FAM193A: variants seen among roughly 807,000 people sequenced by gnomAD.
FAM193A encodes the protein protein FAM193A.
FAM193A carries 22 observed loss-of-function variants against 126.5 expected under a neutral mutation model. The observed-to-expected ratio is 0.17, with a 90% confidence interval of 0.12 to 0.25. FAM193A has a LOEUF of 0.25. Ranked by LOEUF, FAM193A falls within the 10% of genes least tolerant of loss-of-function variation. FAM193A has a pLI of 1.00. For missense variants in FAM193A, 1,675 were observed against 1,672.8 expected (o/e 1.00, Z -0.02); for synonymous variants, 761 against 646.8 (o/e 1.18, Z -2.68).
At chr4:2,541,216 C>T (rs922616027) in intron 1 of FAM193A, among the ~76,000 whole-genome samples, 1 of 151,316 alleles carries the variant, frequency 6.6e-6, no homozygotes, top group Non-Finnish European at 1.5e-5. Flanking sequence ...ATTGTCATGC[C>T]AGCTACTCTG....
chr4:2,575,429 G>A (rs983940421), intron 1 of FAM193A, among the ~76,000 whole-genome samples: 2 of 150,872 alleles, frequency 1.3e-5, no homozygotes, highest in African/African-American at 2.4e-5. Context: ...AATAATTTGA[G>A]TTTTTAAATG....
intron 1 of FAM193A, among the ~76,000 whole-genome samples, chr4:2,541,593 G>A (rs993149346): frequency 6.6e-6 from 1 of 151,302 alleles, no homozygotes; most frequent in Non-Finnish European, 1.5e-5. Context: ...CTACAGGCGC[G>A]TGCCACCACG....
chr4:2,543,109 A>T (rs61790208), intron 1 of FAM193A, among the ~76,000 whole-genome samples: 3 of 150,962 alleles, frequency 2.0e-5, no homozygotes, highest in Non-Finnish European at 4.4e-5. Context: ...TTTTTTTTAA[A>T]TGGAGTCTCG....
chr4:2,647,122 C>T (rs757449476), intron 7 of FAM193A, among the ~76,000 whole-genome samples: 1 of 152,158 alleles, frequency 6.6e-6, no homozygotes, highest in African/African-American at 2.4e-5. Context: ...CGGGCTGTCA[C>T]CAGGCTCTGC....
intron 7 of FAM193A, chr4:2,655,079 A>G (rs1021345505): frequency 2.9e-6 from 2 of 700,580 alleles, no homozygotes; most frequent in African/African-American, 3.5e-5. Context: ...CAGTGTGAAT[A>G]AGAGCATTGA....
At chr4:2,648,908 C>G (rs1040885968) in intron 7 of FAM193A, among the ~76,000 whole-genome samples, 3 of 152,192 alleles carry the variant, frequency 2.0e-5, no homozygotes, top group African/African-American at 7.2e-5. Context: ...CTGGGATGTT[C>G]TTGACTTGGG....
intron 1 of FAM193A, among the ~76,000 whole-genome samples, chr4:2,569,697 G>A (rs181951879): frequency 6.6e-6 from 1 of 151,948 alleles, no homozygotes; most frequent in East Asian, 1.9e-4. Flanking sequence ...TTAAAAGCTG[G>A]TCTTGCTGTG....
chr4:2,673,839 C>T (rs1714095512), intron 13 of FAM193A, among the ~76,000 whole-genome samples: 1 of 152,136 alleles, frequency 6.6e-6, no homozygotes, highest in African/African-American at 2.4e-5. Context: ...GACTGTGGGG[C>T]CCCTTTGGTT....
chr4:2,648,545 C>G (rs1385103581), intron 7 of FAM193A, among the ~76,000 whole-genome samples: 2 of 152,210 alleles, frequency 1.3e-5, no homozygotes, highest in Admixed American at 6.5e-5. Context: ...GACTTCTTAG[C>G]CTGGACTACT....
intron 1 of FAM193A, among the ~76,000 whole-genome samples, chr4:2,586,042 A>G (rs1310297555): frequency 6.6e-6 from 1 of 152,098 alleles, no homozygotes; most frequent in Non-Finnish European, 1.5e-5. Context: ...TTGGGAGTTC[A>G]TGACAAGCCT....
chr4:2,690,219 A>G (rs915709624), intron 14 of FAM193A, among the ~76,000 whole-genome samples: 3 of 152,188 alleles, frequency 2.0e-5, no homozygotes, highest in Admixed American at 2.0e-4. Flanking sequence ...CTTCAGTCAC[A>G]GGGTCAGGGG....
chr4:2,632,658 A>G (rs2109004055), intron 5 of FAM193A, among the ~76,000 whole-genome samples: 1 of 97,030 alleles, frequency 1.0e-5, no homozygotes, highest in South Asian at 3.6e-4. Flanking sequence ...TTCTGAGAAG[A>G]GGTAGCGAGG....
intron 19 of FAM193A, among the ~76,000 whole-genome samples, chr4:2,707,019 G>A (rs908971329): frequency 6.6e-6 from 1 of 151,996 alleles, no homozygotes; most frequent in Non-Finnish European, 1.5e-5. Flanking sequence ...CTGCTCGGGA[G>A]GCTGAGATGG....
intron 4 of FAM193A, among the ~76,000 whole-genome samples, chr4:2,628,975 C>T (rs973691253): frequency 6.6e-6 from 1 of 151,828 alleles, no homozygotes; most frequent in South Asian, 2.1e-4. Flanking sequence ...GCCTCAGCCT[C>T]GCGAGTAGCT....
chr4:2,728,673 G>GT (rs1721027752), intron 20 of FAM193A, among the ~76,000 whole-genome samples: 1 of 151,982 alleles, frequency 6.6e-6, no homozygotes, highest in Non-Finnish European at 1.5e-5. Context: ...TGTGTGTGTT[G>GT]GCTTTGAGTC....
chr4:2,654,082 A>G (rs1274538795), intron 7 of FAM193A, among the ~76,000 whole-genome samples: 1 of 152,238 alleles, frequency 6.6e-6, no homozygotes, highest in African/African-American at 2.4e-5. Context: ...AAACCTTTGA[A>G]TGAACATTGG....
At chr4:2,692,469 A>G (rs1005376424) in intron 15 of FAM193A, among the ~76,000 whole-genome samples, 11 of 152,334 alleles carry the variant, frequency 7.2e-5, no homozygotes, top group African/African-American at 2.6e-4. Flanking sequence ...TTACAAAGGA[A>G]TGGTGGGTGC....
intron 7 of FAM193A, chr4:2,655,169 A>C: frequency 1.5e-6 from 1 of 651,578 alleles, no homozygotes. Flanking sequence ...TGCCATACAG[A>C]CTTTTGATAC....
At chr4:2,624,245 C>T (rs538036984) in intron 2 of FAM193A, among the ~76,000 whole-genome samples, 11 of 152,062 alleles carry the variant, frequency 7.2e-5, no homozygotes, top group Non-Finnish European at 1.5e-4. Context: ...GGCGCGATCT[C>T]GGCTCACTGC....
Sources: allele counts gnomAD v4.1 joint callset (sites outside exome capture counted in the v4.1 genomes callset), GRCh38; gene constraint gnomAD v4.1.1; transcripts MANE v1.5; gene names NCBI Gene and HGNC (gene_info 2026-07-23, HGNC 2026-07-21).